The following CLSTN2 variants were observed in gnomAD, a reference collection of about 807,000 sequenced individuals.
CLSTN2 encodes calsyntenin 2, also known as calsyntenin-2.
CLSTN2 carries 48 observed loss-of-function variants against 101.2 expected under a neutral mutation model. The observed-to-expected ratio is 0.47, with a 90% CI of 0.38 to 0.60. CLSTN2 has a LOEUF of 0.60. Ranked by LOEUF, CLSTN2 falls within the 20% of genes least tolerant of loss-of-function variation. The pLI is 0.00. For synonymous variants in CLSTN2, 481 were observed against 463.6 expected (o/e 1.04, Z -0.48); for missense variants, 1,160 against 1,238.2 (o/e 0.94, Z 0.95).
chr3:140,202,954 C>G (rs913098046), intron 2 of CLSTN2, among the ~76,000 whole-genome samples: 17 of 152,162 alleles, frequency 1.1e-4, no homozygotes, highest in Admixed American at 4.6e-4. Context: ...TCTATGCCCC[C>G]TCCTGGTCTA....
At chr3:140,515,532 C>A (rs1284829956) in intron 8 of CLSTN2, among the ~76,000 whole-genome samples, 1 of 152,048 alleles carries the variant, frequency 6.6e-6, no homozygotes, top group African/African-American at 2.4e-5. Context: ...TTAGCACTGC[C>A]TTTGCTGTAT....
intron 2 of CLSTN2, among the ~76,000 whole-genome samples, chr3:140,235,713 G>A (rs1375750218): frequency 1.3e-5 from 2 of 152,220 alleles, no homozygotes; most frequent in African/African-American, 4.8e-5. Context: ...TAGGGGTTAA[G>A]TGGGAAGCCC....
chr3:140,166,738 T>G (rs1200823795), intron 1 of CLSTN2, among the ~76,000 whole-genome samples: 2 of 152,198 alleles, frequency 1.3e-5, no homozygotes, highest in Non-Finnish European at 2.9e-5. Context: ...ATCACACTGG[T>G]GTTTCCTCTG....
chr3:139,963,663 G>C (rs1560055673), intron 1 of CLSTN2, among the ~76,000 whole-genome samples: 1 of 152,180 alleles, frequency 6.6e-6, no homozygotes, highest in Non-Finnish European at 1.5e-5. Context: ...AAAGACAGAT[G>C]TTTCTGTTCT....
chr3:140,071,558 G>A (rs1431165052), intron 1 of CLSTN2, among the ~76,000 whole-genome samples: 8 of 152,330 alleles, frequency 5.3e-5, no homozygotes, highest in Non-Finnish European at 1.0e-4. Flanking sequence ...AAGGCCGGGC[G>A]CAGTGGCTCA....
intron 1 of CLSTN2, among the ~76,000 whole-genome samples, chr3:139,999,913 C>A (rs1332493557): frequency 6.6e-6 from 1 of 151,626 alleles, no homozygotes; most frequent in Non-Finnish European, 1.5e-5. Context: ...TATGATCACG[C>A]CACTGCATTC....
intron 1 of CLSTN2, among the ~76,000 whole-genome samples, chr3:140,164,691 A>G (rs2010105713): frequency 6.6e-6 from 1 of 152,160 alleles, no homozygotes; most frequent in Non-Finnish European, 1.5e-5. Context: ...AAGTTTCATA[A>G]ATCTCACATG....
At chr3:140,564,505 GTAAC>G (rs1370539396) in intron 16 of CLSTN2, among the ~76,000 whole-genome samples, 1 of 152,176 alleles carries the variant, frequency 6.6e-6, no homozygotes, top group Non-Finnish European at 1.5e-5. Flanking sequence ...GAAGTTTTGA[GTAAC>G]TAACAGTGCA....
rs111226531 is a variant in CLSTN2, at chr3:140,148,680, C to T, written c.110-27271C>T. Among the ~76,000 whole-genome samples, 386 of 152,268 alleles carry T rather than the reference C, an allele frequency of 2.5e-3. 2 individuals are homozygous for T. Among genetic ancestry groups the T allele is most frequent in the Middle Eastern group, 0.01 (3 of 294 alleles). ...TTTTTATGAATCTCTGGGTAATAAA[C>T]GGGAATGGCTCCTCTGGAAAGTTGG... On this transcript the variant is annotated intron_variant, in intron 1 of 16. Coordinates refer to ENST00000458420, the MANE Select transcript of CLSTN2 (RefSeq NM_022131.3).
intron 2 of CLSTN2, among the ~76,000 whole-genome samples, chr3:140,387,008 A>G (rs1202452631): frequency 2.6e-5 from 4 of 152,214 alleles, no homozygotes; most frequent in Non-Finnish European, 4.4e-5. Context: ...ACTAAAATTT[A>G]GTCTTTTCTA....
intron 2 of CLSTN2, among the ~76,000 whole-genome samples, chr3:140,357,714 G>A (rs917870656): frequency 1.3e-5 from 2 of 152,138 alleles, no homozygotes; most frequent in Non-Finnish European, 2.9e-5. Context: ...TTCTCAACAT[G>A]CCTTTAGAAT....
chr3:140,427,185 ATAT>A lies in CLSTN2; in HGVS notation c.787+5912_787+5914del, dbSNP rs1179794918. Among the ~76,000 whole-genome samples the A allele has an allele frequency of 1.6e-3, 135 of 82,912 alleles. 2 individuals are homozygous for A. Among genetic ancestry groups the A allele is most frequent in the African/African-American group, 8.7e-3 (111 of 12,782 alleles). 54.4% of individuals were successfully genotyped at this position (82,912 alleles called of 152,430 possible). ...AGTGAGACTGTCTCAAAAAAAAAAA[ATAT>A]ATATATATATATATATGTGTATATA... On this transcript the variant is annotated intron_variant, in intron 5 of 16. Transcript: ENST00000458420.
intron 1 of CLSTN2, among the ~76,000 whole-genome samples, chr3:139,981,148 C>T (rs1935913086): frequency 2.0e-5 from 3 of 152,106 alleles, no homozygotes; most frequent in South Asian, 4.1e-4. Context: ...TCTTTTCTCA[C>T]AACTTTTTGG....
chr3:140,427,173 C>CAAA (rs11422400), intron 5 of CLSTN2, among the ~76,000 whole-genome samples: 46 of 89,470 alleles, frequency 5.1e-4, no homozygotes, highest in African/African-American at 2.1e-3. Flanking sequence ...GAGACTGTCT[C>CAAA]AAAAAAAAAA....
intron 2 of CLSTN2, among the ~76,000 whole-genome samples, chr3:140,352,850 T>A (rs1429773532): frequency 1.3e-5 from 2 of 152,186 alleles, no homozygotes; most frequent in Admixed American, 6.5e-5. Context: ...TTTTCAGAAA[T>A]TCAATCTCTG....
chr3:140,246,046 A>G (rs1379393498), intron 2 of CLSTN2, among the ~76,000 whole-genome samples: 1 of 152,222 alleles, frequency 6.6e-6, no homozygotes, highest in Admixed American at 6.5e-5. Context: ...TGTAAATAAG[A>G]CAACTTGTAA....
chr3:140,010,117 C>T (rs16849682), intron 1 of CLSTN2, among the ~76,000 whole-genome samples: 6,904 of 152,228 alleles, frequency 0.045, 184 homozygotes, highest in Middle Eastern at 0.071. Flanking sequence ...GGCTTATTAC[C>T]GTCTTTCCAG....
intron 4 of CLSTN2, among the ~76,000 whole-genome samples, chr3:140,408,760 A>C (rs1354745891): frequency 6.6e-6 from 1 of 152,162 alleles, no homozygotes; most frequent in Admixed American, 6.5e-5. Context: ...GTATGCCCCA[A>C]AATGGCCTGG....
intron 6 of CLSTN2, among the ~76,000 whole-genome samples, chr3:140,456,504 G>T (rs1025803049): frequency 6.6e-6 from 1 of 152,284 alleles, no homozygotes; most frequent in African/African-American, 2.4e-5. Flanking sequence ...AAAAAATAAG[G>T]TTATATAGGC....
Sources: allele counts gnomAD v4.1 joint callset (sites outside exome capture counted in the v4.1 genomes callset), GRCh38; gene constraint gnomAD v4.1.1; transcripts MANE v1.5; gene names NCBI Gene and HGNC (gene_info 2026-07-23, HGNC 2026-07-21).